RTN1: variants seen among roughly 807,000 people sequenced by gnomAD.
The protein encoded by RTN1 is reticulon 1.
A neutral mutation model predicts 65.5 loss-of-function variants in RTN1; 25 were observed. That is an observed-to-expected ratio of 0.38 (90% CI 0.28 to 0.53). The LOEUF is 0.53. Ranked by LOEUF, RTN1 falls within the 20% of genes least tolerant of loss-of-function variation. RTN1 has a pLI of 0.79. For synonymous variants in RTN1, 471 were observed against 447.6 expected, an observed-to-expected ratio of 1.05 and a Z score of -0.66; for missense variants, 983 against 1,025.4, an observed-to-expected ratio of 0.96 and a Z score of 0.57.
At position 59,698,852 on chromosome 14, in the gene RTN1, T is replaced by C. The variant is rs570555632; in HGVS notation, c.1765+28067A>G. 3.9e-5 allele frequency among the ~76,000 whole-genome samples: 6 copies of C among 152,358 alleles called. No individual in the cohort carries two copies. The East Asian group carries it at 9.6e-4, about 24-fold the overall frequency. ...CTGTAAGCACTAGACTTAATGTTTA[T>C]GTGCCAGATAAATTCACTACAAGGT... On this transcript the variant is annotated intron_variant, in intron 3 of 8. Coordinates refer to ENST00000267484, the MANE Select transcript of RTN1 (RefSeq NM_021136.3).
intron 3 of RTN1, among the ~76,000 whole-genome samples, chr14:59,673,198 A>G (rs1883547846): frequency 6.6e-6 from 1 of 152,198 alleles, no homozygotes; most frequent in South Asian, 2.1e-4. Context: ...CCACTGTGTT[A>G]CAGCTCTTGC....
At chr14:59,686,672 A>G (rs907424224) in intron 3 of RTN1, among the ~76,000 whole-genome samples, 1 of 152,198 alleles carries the variant, frequency 6.6e-6, no homozygotes, top group Non-Finnish European at 1.5e-5. Flanking sequence ...GCCCCAGCAC[A>G]TGAGAGGAGC....
chr14:59,768,364 T>C (rs1301454655), intron 1 of RTN1, among the ~76,000 whole-genome samples: 4 of 152,260 alleles, frequency 2.6e-5, no homozygotes, highest in Non-Finnish European at 5.9e-5. Context: ...TGTTATCTTT[T>C]AAGATAGCTC....
intron 8 of RTN1, among the ~76,000 whole-genome samples, chr14:59,601,936 T>C (rs1739408414): frequency 1.3e-5 from 2 of 152,184 alleles, no homozygotes; most frequent in Admixed American, 1.3e-4. Context: ...TTGATTTTCA[T>C]TAGGTATTGG....
intron 1 of RTN1, among the ~76,000 whole-genome samples, chr14:59,837,784 C>T (rs1248668561): frequency 6.6e-6 from 1 of 151,790 alleles, no homozygotes; most frequent in Non-Finnish European, 1.5e-5. Context: ...TCATACAGTA[C>T]TGCTGGAAAT....
chr14:59,667,136 A>G (rs1020752288), intron 3 of RTN1, among the ~76,000 whole-genome samples: 4 of 140,806 alleles, frequency 2.8e-5, no homozygotes, highest in African/African-American at 1.1e-4. Flanking sequence ...TGATAACAAA[A>G]CCTGGCAAAG....
At chr14:59,808,987 A>G (rs1886683951) in intron 1 of RTN1, among the ~76,000 whole-genome samples, 1 of 152,176 alleles carries the variant, frequency 6.6e-6, no homozygotes, top group African/African-American at 2.4e-5. Context: ...TTATTTATTA[A>G]TTAACCAGTC....
intron 3 of RTN1, among the ~76,000 whole-genome samples, chr14:59,689,592 C>T (rs563861400): frequency 7.4e-4 from 113 of 152,314 alleles, no homozygotes; most frequent in African/African-American, 2.7e-3. Context: ...AGAACCCCAT[C>T]AGCTAACAGC....
At chr14:59,834,134 G>GA (rs1887174000) in intron 1 of RTN1, among the ~76,000 whole-genome samples, 1 of 151,582 alleles carries the variant, frequency 6.6e-6, no homozygotes, top group Non-Finnish European at 1.5e-5. Flanking sequence ...TATGATGCTG[G>GA]AAAAAATGAA....
At chr14:59,695,492 A>G (rs1884044365) in intron 3 of RTN1, among the ~76,000 whole-genome samples, 1 of 152,198 alleles carries the variant, frequency 6.6e-6, no homozygotes. Flanking sequence ...TGTCCTAGAC[A>G]GGGGCTGCTC....
rs377473620 is a variant in RTN1, at chr14:59,618,354, C to G, written c.1766-10862G>C. ...CCTGCACTTGATGGATCAGCTGGCCCCACCTAGATCAATAAACTGGCTCAT... is the reference window on the plus strand; with the variant it reads ...CCTGCACTTGATGGATCAGCTGGCCGCACCTAGATCAATAAACTGGCTCAT... On this transcript the variant is annotated intron_variant, in intron 3 of 8. Coordinates refer to ENST00000267484, the MANE Select transcript of RTN1 (RefSeq NM_021136.3). Among the ~76,000 whole-genome samples the G allele has an allele frequency of 1.3e-4, 20 of 152,286 alleles. 3 individuals are homozygous for G. Among genetic ancestry groups the G allele is most frequent in the Admixed American group, 7.2e-4 (11 of 15,294 alleles).
At chr14:59,710,261 G>A (rs887084041) in intron 3 of RTN1, among the ~76,000 whole-genome samples, 1 of 151,928 alleles carries the variant, frequency 6.6e-6, no homozygotes, top group African/African-American at 2.4e-5. Flanking sequence ...TGCTAAGGCT[G>A]GTCTCAAACA....
At position 59,654,554 on chromosome 14, in the gene RTN1, T is replaced by C. The variant is rs565137158; in HGVS notation, c.1766-47062A>G. On this transcript the variant is annotated intron_variant, in intron 3 of 8. Coordinates refer to ENST00000267484, the MANE Select transcript of RTN1 (RefSeq NM_021136.3). ...AAAAAAAACTACAGAGCAATATCTC[T>C]TATGAATATAGATGCCAAAATATTC... Among the ~76,000 whole-genome samples, 5 of 151,308 alleles carry C rather than the reference T, an allele frequency of 3.3e-5. No homozygotes were observed. In the East Asian group the frequency reaches 9.7e-4, roughly 29 times the overall value.
rs1887470767 is a variant in RTN1 at position 59,849,751 on chromosome 14, CA to C, written c.241+20638del. Among the ~76,000 whole-genome samples the C allele has an allele frequency of 6.6e-6, 1 of 152,188 alleles. No individual in the cohort carries two copies. The highest frequency in any genetic ancestry group is 1.5e-5 in the Non-Finnish European group (1 of 68,028). ...TAAGCAATCATAAACATGTGAATTACAATTTCTAAGGGAAGTAAAGCCAAGA... is the reference window on the plus strand; with the variant it reads ...TAAGCAATCATAAACATGTGAATTACATTTCTAAGGGAAGTAAAGCCAAGA... On this transcript the variant is annotated intron_variant, in intron 1 of 8. Transcript: ENST00000267484. This position sits in a 1 kb window ranked among gnomAD's most constrained non-coding sequence, Gnocchi z 4.5.
Position 59,842,954 on chromosome 14 carries a change from T to C in RTN1, c.241+27436A>G, listed in dbSNP as rs184832752. On this transcript the variant is annotated intron_variant, in intron 1 of 8. Transcript: ENST00000267484. ...TTTCTAATAAAACTAAACATTAGCC[T>C]ACCCTATAACCTCCAAGGTATACTC... 3.2e-4 allele frequency among the ~76,000 whole-genome samples: 49 copies of C among 152,324 alleles called. 1 individual carries two copies. Among genetic ancestry groups the C allele is most frequent in the Admixed American group, 2.1e-3 (32 of 15,300 alleles).
intron 3 of RTN1, among the ~76,000 whole-genome samples, chr14:59,719,606 G>A (rs1884606113): frequency 6.6e-6 from 1 of 152,222 alleles, no homozygotes; most frequent in Non-Finnish European, 1.5e-5. Context: ...GAATAGGTGG[G>A]ACTGGCATAA....
At chr14:59,726,767 A>G in intron 3 of RTN1, 152 bp downstream of exon 3, 1 of 696,904 alleles carries the variant, frequency 1.4e-6, no homozygotes. Context: ...GAATTCTCTC[A>G]TCTCCTCCCA....
intron 1 of RTN1, among the ~76,000 whole-genome samples, chr14:59,827,397 GT>G (rs775452107): frequency 3.3e-5 from 5 of 152,022 alleles, no homozygotes; most frequent in South Asian, 2.1e-4. Flanking sequence ...TCTTACTGCA[GT>G]TTTTTTCTTT....
At chr14:59,613,490 G>A (rs1566661103) in intron 3 of RTN1, among the ~76,000 whole-genome samples, 1 of 152,004 alleles carries the variant, frequency 6.6e-6, no homozygotes, top group African/African-American at 2.4e-5. Context: ...AGTAGAGATG[G>A]GTTTTCACCA....
Sources: gnomAD v4.1 joint callset for allele counts (sites outside exome capture counted in the v4.1 genomes callset) on GRCh38, gnomAD v4.1.1 for gene constraint, Gnocchi (gnomAD v3.1) non-coding constraint, MANE v1.5 for transcripts, NCBI Gene and HGNC (gene_info 2026-07-23, HGNC 2026-07-21) for gene names.